LRRC9: variants seen among roughly 807,000 people sequenced by gnomAD.
LRRC9 encodes the protein leucine-rich repeat-containing protein 9.
In LRRC9, 122 loss-of-function variants were observed where a neutral mutation model predicts 63.2. The ratio of observed to expected loss-of-function variants is 1.93; its 90% CI spans 1.67 to 2.24. The LOEUF (loss-of-function observed/expected upper bound fraction) is 2.24, where lower values mean the gene tolerates loss of function less well. Ranked by LOEUF, LRRC9 falls within the 30% of genes most tolerant of loss-of-function variation. The pLI is 0.00. For synonymous variants in LRRC9, 366 were observed against 213.1 expected (o/e 1.72, Z -6.25); for missense variants, 1,071 against 627.7 (o/e 1.71, Z -7.55).
intron 7 of LRRC9, among the ~76,000 whole-genome samples, chr14:59,943,452 T>C (rs578229907): frequency 6.6e-6 from 1 of 151,896 alleles, no homozygotes; most frequent in African/African-American, 2.4e-5. Flanking sequence ...GGATTTCCTA[T>C]TGTCTCCAAA....
At chr14:59,978,181 G>A (rs1886522450) in intron 15 of LRRC9, 49 bp downstream of exon 15, 1 of 689,422 alleles carries the variant, frequency 1.5e-6, no homozygotes, top group African/African-American at 1.8e-5. Flanking sequence ...TCCTTAAATG[G>A]GAACAAAGTA....
chr14:60,022,139 CTATT>C (rs955601647), intron 26 of LRRC9, among the ~76,000 whole-genome samples: 5 of 151,742 alleles, frequency 3.3e-5, no homozygotes, highest in East Asian at 1.9e-4. Context: ...GAATATTTCT[CTATT>C]TATTTAGATC....
chr14:60,041,553 A>G (rs1036859692), intron 29 of LRRC9, among the ~76,000 whole-genome samples: 1 of 152,182 alleles, frequency 6.6e-6, no homozygotes, highest in Non-Finnish European at 1.5e-5. Flanking sequence ...AAGCTTGTGC[A>G]TATGTCACGC....
At chr14:60,041,876 TG>T (rs1892977043) in intron 29 of LRRC9, among the ~76,000 whole-genome samples, 1 of 152,308 alleles carries the variant, frequency 6.6e-6, no homozygotes, top group East Asian at 1.9e-4. Context: ...CCCATCTTTG[TG>T]GTTTTATCTA....
At chr14:59,993,323 G>C (rs1348151660) in intron 17 of LRRC9, among the ~76,000 whole-genome samples, 3 of 152,124 alleles carry the variant, frequency 2.0e-5, no homozygotes, top group Non-Finnish European at 2.9e-5. Context: ...ACTAAACATG[G>C]AAAGGAACAA....
At chr14:60,018,345 G>A in intron 24 of LRRC9, 26 bp from the exon 25 acceptor site, 1 of 699,272 alleles carries the variant, frequency 1.4e-6, no homozygotes, top group South Asian at 1.5e-5. Context: ...TAAAATAATA[G>A]CTGTATTTAC....
At chr14:59,969,498 T>C (rs1009038831) in intron 12 of LRRC9, 1 of 152,184 alleles carries the variant, frequency 6.6e-6, no homozygotes, top group Non-Finnish European at 1.5e-5. Context: ...AGGATAAATA[T>C]TTATGTTCCG....
At chr14:60,023,980 C>CT (rs1891321538) in intron 27 of LRRC9, among the ~76,000 whole-genome samples, 1 of 152,070 alleles carries the variant, frequency 6.6e-6, no homozygotes. Flanking sequence ...TGAACTCATT[C>CT]TTTTTTATGG....
chr14:60,051,870 A>G lies in LRRC9; in HGVS notation c.3991-1195A>G, dbSNP rs1315914127. Among the ~76,000 whole-genome samples the G allele has an allele frequency of 6.6e-6, 1 of 152,160 alleles. No homozygotes were observed. The highest frequency in any genetic ancestry group is 1.5e-5 in the Non-Finnish European group (1 of 68,020). Reference sequence around the variant, plus strand: ...GTGGGTTGCAAAGATTCATGGGAGAAGCGTGGTTTCCTGGGCACGATAGCA... The same window carrying G: ...GTGGGTTGCAAAGATTCATGGGAGAGGCGTGGTTTCCTGGGCACGATAGCA... On this transcript the variant is annotated intron_variant, in intron 29 of 31. Coordinates refer to ENST00000445360, the Ensembl canonical transcript of LRRC9. This position sits in a 1 kb window ranked among gnomAD's most constrained non-coding sequence, Gnocchi z 4.7.
chr14:60,002,394 A>G (rs1483928550), intron 20 of LRRC9, among the ~76,000 whole-genome samples: 9 of 152,096 alleles, frequency 5.9e-5, no homozygotes, highest in Non-Finnish European at 2.9e-5. Flanking sequence ...GAAACCTTGT[A>G]CCTCTTGACC....
At chr14:60,008,978 T>A (rs1890036700) in intron 23 of LRRC9, among the ~76,000 whole-genome samples, 2 of 152,178 alleles carry the variant, frequency 1.3e-5, no homozygotes, top group Admixed American at 1.3e-4. Context: ...CACATACAAA[T>A]TCTCTAGAAC....
chr14:60,048,676 G>A (rs1001190891), intron 29 of LRRC9, among the ~76,000 whole-genome samples: 2 of 152,026 alleles, frequency 1.3e-5, no homozygotes, highest in African/African-American at 2.4e-5. Flanking sequence ...AAAAGCCCAG[G>A]ACCAGACAAA....
Position 59,962,835 on chromosome 14 carries a change from T to G in LRRC9, c.1211+1790T>G, listed in dbSNP as rs767828683. 6.6e-6 allele frequency among the ~76,000 whole-genome samples: 1 copy of G among 152,174 alleles called. No homozygotes were observed. Among genetic ancestry groups the G allele is most frequent in the Non-Finnish European group, 1.5e-5 (1 of 68,022 alleles). On this transcript the variant is annotated intron_variant, in intron 10 of 31. Coordinates refer to ENST00000445360, the Ensembl canonical transcript of LRRC9. The surrounding 1 kb of genome is among the most constrained non-coding windows in gnomAD (Gnocchi z 5.1). ...CCAAAAAGCCATTTAGATAACTATGTCAGCCTGATAGTAAATTAGATAGCT... is the reference window on the plus strand; with the variant it reads ...CCAAAAAGCCATTTAGATAACTATGGCAGCCTGATAGTAAATTAGATAGCT...
At chr14:59,992,458 C>T (rs141213960) in intron 17 of LRRC9, among the ~76,000 whole-genome samples, 1,853 of 152,200 alleles carry the variant, frequency 0.012, 21 homozygotes, top group East Asian at 0.023. Context: ...CAAAGCTGGA[C>T]GGAGAATGAC....
At chr14:60,035,233 T>A (rs1332780304) in intron 29 of LRRC9, among the ~76,000 whole-genome samples, 1 of 152,190 alleles carries the variant, frequency 6.6e-6, no homozygotes, top group Non-Finnish European at 1.5e-5. Flanking sequence ...TGAGCTCTTA[T>A]GTGTTCTGAT....
chr14:59,921,737 T>TTTGC (rs1888794758), intron 1 of LRRC9, among the ~76,000 whole-genome samples: 1 of 151,090 alleles, frequency 6.6e-6, no homozygotes, highest in African/African-American at 2.4e-5. Context: ...TTTTTTTTTT[T>TTTGC]TGCACAGAAA....
intron 13 of LRRC9, among the ~76,000 whole-genome samples, chr14:59,975,142 T>TAATATAC (rs1886098107): frequency 7.9e-5 from 1 of 12,666 alleles, no homozygotes; most frequent in African/African-American, 1.5e-4. Context: ...TATATATACA[T>TAATATAC]ATATATATGT....
At position 59,960,590 on chromosome 14, in the gene LRRC9, T is replaced by A. The variant is rs571420886; in HGVS notation, c.1080-324T>A. 7.2e-5 allele frequency among the ~76,000 whole-genome samples: 11 copies of A among 152,306 alleles called. No individual in the cohort carries two copies. The South Asian group carries it at 2.3e-3, about 32-fold the overall frequency. On this transcript the variant is annotated intron_variant, in intron 9 of 31. Coordinates refer to ENST00000445360, the Ensembl canonical transcript of LRRC9. ...ACTCTCAAAACAACCATTTTAGGAA[T>A]AAGGACTACGAATATTGCCATTTTA...
chr14:60,036,567 T>C (rs137976657), intron 29 of LRRC9, among the ~76,000 whole-genome samples: 1 of 152,162 alleles, frequency 6.6e-6, no homozygotes, highest in Non-Finnish European at 1.5e-5. Flanking sequence ...TGACATCTTA[T>C]GAATAGACTC....
Sources: gnomAD v4.1 joint callset for allele counts (sites outside exome capture counted in the v4.1 genomes callset) on GRCh38, gnomAD v4.1.1 for gene constraint, Gnocchi (gnomAD v3.1) non-coding constraint, MANE v1.5 for transcripts, NCBI Gene and HGNC (gene_info 2026-07-23, HGNC 2026-07-21) for gene names.